Variants in NCOA3 observed in about 807,000 individuals in gnomAD.
NCOA3 encodes CBP-interacting protein.
A neutral mutation model predicts 158.8 loss-of-function variants in NCOA3; 51 were observed. The ratio of observed to expected loss-of-function variants is 0.32; its 90% confidence interval spans 0.26 to 0.41. The LOEUF (loss-of-function observed/expected upper bound fraction) is 0.41. NCOA3 is among the 10% of genes least tolerant of loss of function. The pLI, the probability that NCOA3 is intolerant of heterozygous loss-of-function variation, is 1.00. For synonymous variants in NCOA3, 537 were observed against 592.4 expected (o/e 0.91, Z 1.36); for missense variants, 1,510 against 1,746.6 (o/e 0.86, Z 2.41).
At chr20:47,546,883 T>C (rs2084838480) in intron 1 of NCOA3, among the ~76,000 whole-genome samples, 1 of 152,132 alleles carries the variant, frequency 6.6e-6, no homozygotes, top group Non-Finnish European at 1.5e-5. Context: ...CCTTGTTCAT[T>C]CTTGATCCAG....
At chr20:47,647,901 GTTTGTTTGT>G (rs1188501140) in intron 18 of NCOA3, among the ~76,000 whole-genome samples, 1 of 141,038 alleles carries the variant, frequency 7.1e-6, no homozygotes, top group Non-Finnish European at 1.6e-5. Flanking sequence ...TTTTTTGTTT[GTTTGTTTGT>G]TTTGTTTTGT....
rs199928445 is a variant in NCOA3, at chr20:47,651,287, C to G, written c.3946+11C>G. On this transcript the variant is annotated intron_variant, in intron 20 of 22. Transcript: ENST00000371998. Reference sequence around the variant, plus strand: ...ATCAACCAAATTATGGTAAATCTGACAATGAAAATGTGCCTTCCCCAAGTT... The same window carrying G: ...ATCAACCAAATTATGGTAAATCTGAGAATGAAAATGTGCCTTCCCCAAGTT... 1.9e-6 allele frequency: 3 copies of G among 1,591,272 alleles called. No individual in the cohort carries two copies. Among genetic ancestry groups the G allele is most frequent in the South Asian group, 2.3e-5 (2 of 88,440 alleles).
intron 1 of NCOA3, among the ~76,000 whole-genome samples, chr20:47,560,405 T>C (rs1019538044): frequency 5.3e-5 from 8 of 152,186 alleles, no homozygotes; most frequent in African/African-American, 1.9e-4. Context: ...GTCAATTGGA[T>C]AAATACCTGG....
intron 1 of NCOA3, among the ~76,000 whole-genome samples, chr20:47,567,983 C>T (rs2146195374): frequency 6.6e-6 from 1 of 152,294 alleles, no homozygotes; most frequent in East Asian, 1.9e-4. Flanking sequence ...GGATTACAGT[C>T]ATGAGCCACC....
intron 1 of NCOA3, among the ~76,000 whole-genome samples, chr20:47,532,286 TG>T (rs1204698746): frequency 6.6e-6 from 1 of 152,026 alleles, no homozygotes; most frequent in East Asian, 1.9e-4. Context: ...GAACTACCAG[TG>T]GAAAGGCCCT....
intron 1 of NCOA3, among the ~76,000 whole-genome samples, chr20:47,531,134 T>G (rs542331016): frequency 6.6e-6 from 1 of 151,212 alleles, no homozygotes; most frequent in Non-Finnish European, 1.5e-5. Flanking sequence ...AGGTAAGGAG[T>G]TCAAGATCAG....
chr20:47,580,009 A>G (rs946786305), intron 1 of NCOA3, among the ~76,000 whole-genome samples: 2 of 152,062 alleles, frequency 1.3e-5, no homozygotes, highest in South Asian at 2.1e-4. Flanking sequence ...GCTGTTCCTC[A>G]GTTTGATCAT....
chr20:47,591,009 T>G (rs1218528186), intron 2 of NCOA3, among the ~76,000 whole-genome samples: 2 of 151,806 alleles, frequency 1.3e-5, no homozygotes, highest in South Asian at 4.2e-4. Flanking sequence ...CTCGGGAGGC[T>G]GAGGCATAAG....
At chr20:47,542,740 T>C (rs538188387) in intron 1 of NCOA3, among the ~76,000 whole-genome samples, 1 of 152,194 alleles carries the variant, frequency 6.6e-6, no homozygotes, top group African/African-American at 2.4e-5. Context: ...GGCGGGTGGA[T>C]CATTTGAGCC....
At chr20:47,551,639 T>C (rs1035441976) in intron 1 of NCOA3, among the ~76,000 whole-genome samples, 1 of 152,228 alleles carries the variant, frequency 6.6e-6, no homozygotes, top group Non-Finnish European at 1.5e-5. Flanking sequence ...AATGTTTCTT[T>C]TTGACAGTGA....
intron 1 of NCOA3, among the ~76,000 whole-genome samples, chr20:47,512,106 G>A (rs1031966946): frequency 1.3e-5 from 2 of 151,726 alleles, no homozygotes; most frequent in African/African-American, 4.8e-5. Context: ...CTTAAAGCCG[G>A]AAGTTAAAGA....
At chr20:47,519,960 C>A (rs2084299402) in intron 1 of NCOA3, among the ~76,000 whole-genome samples, 1 of 147,546 alleles carries the variant, frequency 6.8e-6, no homozygotes, top group Non-Finnish European at 1.5e-5. Flanking sequence ...ACCGGGGTTT[C>A]ACCATGTTGG....
At chr20:47,605,797 T>C (rs2085937830) in intron 2 of NCOA3, among the ~76,000 whole-genome samples, 1 of 152,190 alleles carries the variant, frequency 6.6e-6, no homozygotes, top group Non-Finnish European at 1.5e-5. Context: ...ACAAAATTCG[T>C]ATTTTATCTG....
chr20:47,569,608 G>C (rs1156766622), intron 1 of NCOA3, among the ~76,000 whole-genome samples: 3 of 151,934 alleles, frequency 2.0e-5, no homozygotes, highest in Admixed American at 2.0e-4. Flanking sequence ...GCTTGAACTC[G>C]GGAGGCGGAG....
chr20:47,522,406 C>CTTTTTTTTT (rs3091963), intron 1 of NCOA3, among the ~76,000 whole-genome samples: 1 of 128,164 alleles, frequency 7.8e-6, no homozygotes, highest in African/African-American at 3.0e-5. Flanking sequence ...GCGCCCGGCC[C>CTTTTTTTTT]TTTTTTTTTT....
At position 47,649,118 on chromosome 20, in the gene NCOA3, G is replaced by GATA; in HGVS notation, c.3651+11_3651+13dup. ...CCCAGGTGAGCTCCCAGGTGAGGATGATAAGCCTCTCCACATGCATTGCTC... is the reference window on the plus strand; with the variant it reads ...CCCAGGTGAGCTCCCAGGTGAGGATGATAATAAGCCTCTCCACATGCATTGCTC... On this transcript the variant is annotated intron_variant, in intron 19 of 22. Transcript: ENST00000371998. 6.3e-7 allele frequency: 1 copy of GATA among 1,587,972 alleles called. No homozygotes were observed. The highest frequency in any genetic ancestry group is 8.6e-7 in the Non-Finnish European group (1 of 1,157,978).
chr20:47,608,349 G>T (rs1288680548), intron 2 of NCOA3, among the ~76,000 whole-genome samples: 1 of 151,868 alleles, frequency 6.6e-6, no homozygotes, highest in Non-Finnish European at 1.5e-5. Context: ...AACCAAAAAA[G>T]TGAATGAGTC....
intron 1 of NCOA3, among the ~76,000 whole-genome samples, chr20:47,526,472 T>C (rs373855783): frequency 6.6e-6 from 1 of 152,110 alleles, no homozygotes; most frequent in African/African-American, 2.4e-5. Flanking sequence ...CTGGGCACCA[T>C]TGAGCACTGA....
chr20:47,644,507 C>T (rs1427141589), intron 17 of NCOA3, among the ~76,000 whole-genome samples: 1 of 152,100 alleles, frequency 6.6e-6, no homozygotes, highest in South Asian at 2.1e-4. Context: ...GCTTGAGTCA[C>T]GTTCAAGCTT....
Sources: gnomAD v4.1 joint callset for allele counts (sites outside exome capture counted in the v4.1 genomes callset) on GRCh38, gnomAD v4.1.1 for gene constraint, MANE v1.5 for transcripts, NCBI Gene and HGNC (gene_info 2026-07-23, HGNC 2026-07-21) for gene names.